The following NRG3 variants were observed in gnomAD, a reference collection of about 807,000 sequenced individuals.
NRG3 encodes the protein pro-neuregulin-3, membrane-bound isoform.
NRG3 carries 31 observed loss-of-function variants against 66.9 expected under a neutral mutation model. The observed-to-expected ratio is 0.46, with a 90% confidence interval of 0.35 to 0.63. NRG3 has a LOEUF of 0.63. Ranked by LOEUF, NRG3 falls within the 20% of genes least tolerant of loss-of-function variation. The pLI is 0.00. For missense variants in NRG3, 910 were observed against 878.9 expected (o/e 1.04, Z -0.45); for synonymous variants, 393 against 359.4 (o/e 1.09, Z -1.06).
intron 1 of NRG3, among the ~76,000 whole-genome samples, chr10:82,057,598 A>G (rs556365949): frequency 6.6e-6 from 1 of 152,150 alleles, no homozygotes; most frequent in South Asian, 2.1e-4. Flanking sequence ...TTAGCAATCT[A>G]TAACTACTTT....
intron 5 of NRG3, among the ~76,000 whole-genome samples, chr10:82,956,448 T>C (rs1850060363): frequency 6.6e-6 from 1 of 151,850 alleles, no homozygotes; most frequent in South Asian, 2.1e-4. Flanking sequence ...GGATGGTAGA[T>C]AGGCAGAGGC....
intron 1 of NRG3, among the ~76,000 whole-genome samples, chr10:82,080,248 A>C (rs1028977339): frequency 2.0e-5 from 3 of 152,126 alleles, no homozygotes; most frequent in African/African-American, 7.2e-5. Flanking sequence ...GGAGATGGGA[A>C]CTAATTGGTT....
At chr10:82,604,408 T>G (rs2047830272) in intron 2 of NRG3, among the ~76,000 whole-genome samples, 1 of 152,208 alleles carries the variant, frequency 6.6e-6, no homozygotes, top group Non-Finnish European at 1.5e-5. Flanking sequence ...GTCGCATAAA[T>G]GTGCCACAGT....
intron 3 of NRG3, among the ~76,000 whole-genome samples, chr10:82,858,416 A>G (rs1434734732): frequency 6.6e-6 from 1 of 151,824 alleles, no homozygotes; most frequent in East Asian, 1.9e-4. Flanking sequence ...TCTTGTCCAT[A>G]CTCTTATCTC....
At position 82,109,577 on chromosome 10, in the gene NRG3, GTATA is replaced by G. The variant is rs139348809; in HGVS notation, c.823+233422_823+233425del. On this transcript the variant is annotated intron_variant, in intron 1 of 8. Transcript: ENST00000372141. ...TGTGTGTGTGTGTGTGTGTGTGTGT[GTATA>G]TATATATTTTCAGATCAAATTGATT... Among the ~76,000 whole-genome samples, 1,192 of 125,268 alleles carry G rather than the reference GTATA, an allele frequency of 9.5e-3. 26 individuals carry two copies. Among genetic ancestry groups the G allele is most frequent in the African/African-American group, 0.035 (1,071 of 30,674 alleles). The allele number at this position is 125,268 out of a possible 152,430, so 82.2% of individuals were successfully genotyped here.
chr10:82,308,412 C>T (rs923471797), intron 1 of NRG3, among the ~76,000 whole-genome samples: 1 of 151,986 alleles, frequency 6.6e-6, no homozygotes, highest in African/African-American at 2.4e-5. Context: ...TGATGGGGCT[C>T]TCTGAGATTT....
At chr10:82,418,970 A>G (rs76184183) in intron 2 of NRG3, among the ~76,000 whole-genome samples, 2,762 of 152,244 alleles carry the variant, frequency 0.018, 70 homozygotes, top group African/African-American at 0.062. Context: ...TGAAAAAGAC[A>G]TTTTGTAATA....
intron 1 of NRG3, among the ~76,000 whole-genome samples, chr10:82,050,973 C>T (rs1391559634): frequency 6.6e-6 from 1 of 152,076 alleles, no homozygotes; most frequent in East Asian, 1.9e-4. Flanking sequence ...TATATTTTCT[C>T]GTCTGTAGTT....
At chr10:82,104,318 AGGAGAATACTG>A (rs2066933822) in intron 1 of NRG3, among the ~76,000 whole-genome samples, 1 of 152,172 alleles carries the variant, frequency 6.6e-6, no homozygotes, top group Non-Finnish European at 1.5e-5. Context: ...GCCGCTTAAT[AGGAGAATACTG>A]GGCCAGCTCC....
chr10:82,385,595 G>A (rs2085928054), intron 2 of NRG3, among the ~76,000 whole-genome samples: 1 of 152,104 alleles, frequency 6.6e-6, no homozygotes, highest in Non-Finnish European at 1.5e-5. Flanking sequence ...ATTAAAAATG[G>A]AGAGACTCTA....
At chr10:82,709,731 C>G (rs1206860857) in intron 2 of NRG3, among the ~76,000 whole-genome samples, 1 of 152,094 alleles carries the variant, frequency 6.6e-6, no homozygotes, top group Admixed American at 6.6e-5. Context: ...AAGCAGAAAG[C>G]CTTACTTTAT....
intron 2 of NRG3, among the ~76,000 whole-genome samples, chr10:82,591,242 C>T (rs2046964905): frequency 1.3e-5 from 2 of 152,078 alleles, no homozygotes; most frequent in African/African-American, 4.8e-5. Context: ...GCAGCAAACT[C>T]AATCCAAAAA....
chr10:82,314,921 T>C (rs949364807), intron 1 of NRG3, among the ~76,000 whole-genome samples: 3 of 152,176 alleles, frequency 2.0e-5, no homozygotes, highest in Non-Finnish European at 4.4e-5. Flanking sequence ...ATGCCATTGG[T>C]TATGTCACTC....
intron 1 of NRG3, among the ~76,000 whole-genome samples, chr10:81,977,185 G>A (rs1281791817): frequency 1.3e-5 from 2 of 152,204 alleles, no homozygotes; most frequent in African/African-American, 4.8e-5. Context: ...ATTGAATGAG[G>A]TATTGCCTCC....
intron 4 of NRG3, among the ~76,000 whole-genome samples, chr10:82,931,986 C>G (rs1453505017): frequency 6.6e-6 from 1 of 152,190 alleles, no homozygotes; most frequent in Non-Finnish European, 1.5e-5. Flanking sequence ...CTTATCTGGC[C>G]TATAGGATCA....
intron 2 of NRG3, among the ~76,000 whole-genome samples, chr10:82,617,528 G>A (rs1215855930): frequency 6.6e-6 from 1 of 152,140 alleles, no homozygotes; most frequent in Non-Finnish European, 1.5e-5. Flanking sequence ...GTCTGTTGGG[G>A]GTGAATAAAG....
chr10:82,399,917 G>A (rs1340514094), intron 2 of NRG3, among the ~76,000 whole-genome samples: 2 of 152,060 alleles, frequency 1.3e-5, no homozygotes, highest in Admixed American at 1.3e-4. Context: ...TACAGAAATA[G>A]GATTATGGAG....
intron 1 of NRG3, among the ~76,000 whole-genome samples, chr10:82,257,728 T>C (rs2134168057): frequency 6.6e-6 from 1 of 152,200 alleles, no homozygotes; most frequent in Non-Finnish European, 1.5e-5. Context: ...GATCACACCA[T>C]TGCCCTTTAG....
chr10:82,206,055 T>G (rs2075101650), intron 1 of NRG3, among the ~76,000 whole-genome samples: 1 of 152,190 alleles, frequency 6.6e-6, no homozygotes, highest in Admixed American at 6.5e-5. Context: ...TTCTTCCTTC[T>G]ACCTAAGACA....
Sources: gnomAD v4.1 joint callset for allele counts (sites outside exome capture counted in the v4.1 genomes callset) on GRCh38, gnomAD v4.1.1 for gene constraint, MANE v1.5 for transcripts, NCBI Gene and HGNC (gene_info 2026-07-23, HGNC 2026-07-21) for gene names.